KIF13A: variants seen among roughly 807,000 people sequenced by gnomAD.
KIF13A encodes kinesin-like protein KIF13A.
Under a neutral mutation model 212.2 loss-of-function variants are expected in KIF13A, and 79 were observed. The observed-to-expected ratio is 0.37, with a 90% CI of 0.31 to 0.45. The LOEUF (loss-of-function observed/expected upper bound fraction) is 0.45, where lower values mean the gene tolerates loss of function less well. Among genes scored for constraint, KIF13A ranks in the 20% least tolerant of loss-of-function variants. The pLI, the probability that KIF13A is intolerant of heterozygous loss-of-function variation, is 1.00. For missense variants in KIF13A, 1,901 were observed against 2,209.0 expected, an observed-to-expected ratio of 0.86 and a Z score of 2.79; for synonymous variants, 789 against 808.6, an observed-to-expected ratio of 0.98 and a Z score of 0.41.
At position 17,771,104 on chromosome 6, in the gene KIF13A, C is replaced by T. The variant is rs760224603; in HGVS notation, c.4581+10G>A. Reference sequence around the variant, plus strand: ...CCAGGCAATATGACAGAAATGGTTCCGGAACTTACAATCTTCTTCTCACGT... The same window carrying T: ...CCAGGCAATATGACAGAAATGGTTCTGGAACTTACAATCTTCTTCTCACGT... On this transcript the variant is annotated intron_variant, in intron 38 of 38. Coordinates refer to ENST00000259711, the MANE Select transcript of KIF13A (RefSeq NM_022113.6). The surrounding 1 kb of genome is among the most constrained non-coding windows in gnomAD (Gnocchi z 5.4). The T allele has an allele frequency of 2.1e-5, 34 of 1,585,700 alleles. No individual in the cohort carries two copies. Among genetic ancestry groups the T allele is most frequent in the Admixed American group, 8.5e-5 (5 of 58,792 alleles).
intron 16 of KIF13A, among the ~76,000 whole-genome samples, chr6:17,824,604 C>CA (rs1165488439): frequency 1.3e-5 from 2 of 151,506 alleles, no homozygotes; most frequent in South Asian, 2.1e-4. Flanking sequence ...ACTAAAAATA[C>CA]AAAAAAATTA....
At chr6:17,917,830 G>A (rs539907126) in intron 2 of KIF13A, among the ~76,000 whole-genome samples, 2 of 152,148 alleles carry the variant, frequency 1.3e-5, no homozygotes, top group South Asian at 2.1e-4. Flanking sequence ...CCAGATTGTC[G>A]TCTGTAGGAT....
intron 3 of KIF13A, among the ~76,000 whole-genome samples, chr6:17,887,911 G>C (rs558537132): frequency 4.3e-5 from 6 of 138,394 alleles, no homozygotes; most frequent in African/African-American, 1.6e-4. Context: ...TTGCCATATT[G>C]GCCAGGCTGG....
intron 2 of KIF13A, among the ~76,000 whole-genome samples, chr6:17,956,888 C>T (rs1778396552): frequency 7.8e-6 from 1 of 128,794 alleles, no homozygotes; most frequent in Admixed American, 7.4e-5. Flanking sequence ...TGTTCAATCA[C>T]ATTTTTTTTT....
At position 17,836,886 on chromosome 6, in the gene KIF13A, G is replaced by A; in HGVS notation, c.1147C>T (p.Gln383Ter). The change falls in exon 11 of 39, where the codon CAG becomes TAG. Residue 383 changes from glutamine to a stop codon, truncating the protein, a stop_gained. Transcript: ENST00000259711. LOFTEE classifies it high-confidence loss of function. ...TACCAGGCTGCTTTTACCTCTGCCT[G>A]AGAGAGCTGCTCTCTCAGTTTCTCG... ...EVEKLREQLS[Q>*]AEAMKAPELK... 1 of 1,613,728 alleles carries A rather than the reference G, an allele frequency of 6.2e-7. No homozygotes were observed. Among genetic ancestry groups the A allele is most frequent in the South Asian group, 1.1e-5 (1 of 91,062 alleles).
In KIF13A at chr6:17,771,179, C is replaced by T; in HGVS notation, c.4516G>A (p.Val1506Ile). ...PPQAHNPGCI[V>I]PSGSNGSSMP... ...CTGCTGCCATTGCTTCCTGAGGGTA[C>T]AATGCAGCCAGGGTTATGTGCCTGA... The change falls in exon 38 of 39, where the codon GTA (valine) becomes ATA (isoleucine). Residue 1506 changes from valine to isoleucine, a missense_variant. Physicochemically the swap from Val to Ile is conservative, Grantham distance 29. Around this residue, in one of 5 missense-constraint regions of KIF13A, gnomAD observed 687 missense variants for 759.1 expected, o/e 0.90. Coordinates refer to ENST00000259711, the MANE Select transcript of KIF13A (RefSeq NM_022113.6). The surrounding 1 kb of genome is among the most constrained non-coding windows in gnomAD (Gnocchi z 5.4). 6.2e-7 allele frequency: 1 copy of T among 1,613,164 alleles called. No individual in the cohort carries two copies. The highest frequency in any genetic ancestry group is 8.5e-7 in the Non-Finnish European group (1 of 1,179,578).
At chr6:17,956,137 A>G (rs1778337200) in intron 2 of KIF13A, among the ~76,000 whole-genome samples, 1 of 152,146 alleles carries the variant, frequency 6.6e-6, no homozygotes, top group Middle Eastern at 3.2e-3. Context: ...ATTTAACCTT[A>G]CATCCGTAAG....
rs1347190256 is a variant in KIF13A, at chr6:17,772,515, T to C, written c.4325-456A>G. Among the ~76,000 whole-genome samples the C allele has an allele frequency of 6.6e-6, 1 of 152,240 alleles. No individual in the cohort carries two copies. Among genetic ancestry groups the C allele is most frequent in the Non-Finnish European group, 1.5e-5 (1 of 68,040 alleles). ...GGCAAGAATAGACATAAATCTGTGATGTCACAAAGAGTTACTACAGTGCTA... is the reference window on the plus strand; with the variant it reads ...GGCAAGAATAGACATAAATCTGTGACGTCACAAAGAGTTACTACAGTGCTA... On this transcript the variant is annotated intron_variant, in intron 36 of 38. Coordinates refer to ENST00000259711, the MANE Select transcript of KIF13A (RefSeq NM_022113.6). This position sits in a 1 kb window ranked among gnomAD's most constrained non-coding sequence, Gnocchi z 4.8.
intron 3 of KIF13A, among the ~76,000 whole-genome samples, chr6:17,885,560 G>T (rs1771468311): frequency 6.6e-6 from 1 of 152,226 alleles, no homozygotes; most frequent in South Asian, 2.1e-4. Flanking sequence ...TGCACGGTCT[G>T]TTCTAGAAAA....
chr6:17,944,297 T>C (rs557346667), intron 2 of KIF13A, among the ~76,000 whole-genome samples: 1 of 152,290 alleles, frequency 6.6e-6, no homozygotes, highest in African/African-American at 2.4e-5. Flanking sequence ...CAAGTTCTTA[T>C]AGATGAAAAC....
intron 2 of KIF13A, among the ~76,000 whole-genome samples, chr6:17,908,490 G>A (rs1399409203): frequency 2.6e-5 from 4 of 152,086 alleles, no homozygotes; most frequent in African/African-American, 9.7e-5. Flanking sequence ...TATAGTCCCA[G>A]CTATTCAGGA....
At chr6:17,958,876 CTTTTT>C (rs398000716) in intron 2 of KIF13A, among the ~76,000 whole-genome samples, 41 of 83,090 alleles carry the variant, frequency 4.9e-4, no homozygotes, top group Non-Finnish European at 7.2e-4. Flanking sequence ...TTTTCTTTTT[CTTTTT>C]TTTTTTTTTT....
chr6:17,847,136 C>G (rs1470898230), intron 9 of KIF13A, among the ~76,000 whole-genome samples: 2 of 152,342 alleles, frequency 1.3e-5, no homozygotes, highest in East Asian at 3.9e-4. Context: ...CACACACACT[C>G]TAAATTCCAA....
chr6:17,773,334 T>G lies in KIF13A; in HGVS notation c.4324+144A>C, dbSNP rs1437561362. 6.1e-6 allele frequency: 3 copies of G among 492,668 alleles called. No homozygotes were observed. Among genetic ancestry groups the G allele is most frequent in the African/African-American group, 1.9e-5 (1 of 52,112 alleles). 30.5% of individuals were successfully genotyped at this position (492,668 alleles called of 1,614,324 possible). On this transcript the variant is annotated intron_variant, in intron 36 of 38. Transcript: ENST00000259711. The surrounding 1 kb of genome is among the most constrained non-coding windows in gnomAD (Gnocchi z 4.2). ...AATCAAATAAGTGAATGTTATATGT[T>G]ACATTCAATAACAGTTTTGTATCAT...
At chr6:17,815,907 CTT>C (rs57780326) in intron 17 of KIF13A, among the ~76,000 whole-genome samples, 76 of 130,524 alleles carry the variant, frequency 5.8e-4, no homozygotes, top group East Asian at 6.8e-4. Flanking sequence ...TAGTCAGGTT[CTT>C]TTTTTTTTTT....
chr6:17,851,876 A>C (rs1408457203), intron 7 of KIF13A, 79 bp downstream of exon 7: 1 of 657,096 alleles, frequency 1.5e-6, no homozygotes, highest in African/African-American at 1.9e-5. Flanking sequence ...TAAAGCATCC[A>C]CATAAAATAT....
chr6:17,858,149 G>C (rs1457513025), intron 4 of KIF13A, among the ~76,000 whole-genome samples: 2 of 151,534 alleles, frequency 1.3e-5, no homozygotes, highest in Admixed American at 1.3e-4. Flanking sequence ...GTGAGAGAGA[G>C]AGATCTACAA....
rs1180237582 is a variant in KIF13A at position 17,898,354 on chromosome 6, T to C, written c.147-174A>G. 6.6e-6 allele frequency among the ~76,000 whole-genome samples: 1 copy of C among 152,172 alleles called. No homozygotes were observed. The highest frequency in any genetic ancestry group is 1.5e-5 in the Non-Finnish European group (1 of 68,014). ...AGATCAGAAGCCAAATTCAAACACA[T>C]TACTGAATGAAGTGATAAACTCAAT... On this transcript the variant is annotated intron_variant, in intron 2 of 38. Transcript: ENST00000259711. The surrounding 1 kb of genome is among the most constrained non-coding windows in gnomAD (Gnocchi z 5.2).
Position 17,849,516 on chromosome 6 carries a change from G to A in KIF13A, c.718-27C>T. 1.3e-6 allele frequency: 2 copies of A among 1,551,880 alleles called. No individual in the cohort carries two copies. Among genetic ancestry groups the A allele is most frequent in the Non-Finnish European group, 1.8e-6 (2 of 1,128,760 alleles). ...TAGTTATAGGAAACGAGAGAGAGAA[G>A]AAAAACTTATCAATAAAAACCACAT... On this transcript the variant is annotated intron_variant, in intron 8 of 38. Transcript: ENST00000259711. The surrounding 1 kb of genome is among the most constrained non-coding windows in gnomAD (Gnocchi z 5.7).
Sources: allele counts gnomAD v4.1 joint callset (sites outside exome capture counted in the v4.1 genomes callset), GRCh38; gene constraint gnomAD v4.1.1; regional missense constraint gnomAD v4.1.1; non-coding constraint Gnocchi (gnomAD v3.1); transcripts MANE v1.5; gene names NCBI Gene and HGNC (gene_info 2026-07-23, HGNC 2026-07-21).